ATP8A1: variants seen among roughly 807,000 people sequenced by gnomAD.
The protein encoded by ATP8A1 is phospholipid-transporting ATPase IA.
In ATP8A1, 90 loss-of-function variants were observed where a neutral mutation model predicts 177.7. The observed-to-expected ratio is 0.51, with a 90% CI of 0.43 to 0.60. The LOEUF is 0.60. ATP8A1 is among the 20% of genes least tolerant of loss of function. The probability of loss-of-function intolerance (pLI) is 0.00; values close to 1 mark genes in which losing one functional copy is unlikely to be tolerated. For synonymous variants in ATP8A1, 493 were observed against 485.9 expected (o/e 1.01, Z -0.19); for missense variants, 1,072 against 1,392.8 (o/e 0.77, Z 3.67).
intron 27 of ATP8A1, among the ~76,000 whole-genome samples, chr4:42,457,254 T>TG (rs1577969379): frequency 1.3e-5 from 2 of 152,336 alleles, no homozygotes. Context: ...TATTCTTTCC[T>TG]GGTGAGTATA....
chr4:42,563,179 C>G (rs184896920), intron 15 of ATP8A1, among the ~76,000 whole-genome samples: 1 of 152,160 alleles, frequency 6.6e-6, no homozygotes, highest in Non-Finnish European at 1.5e-5. Context: ...ACAATAAGGT[C>G]CAGGCTGAGG....
intron 22 of ATP8A1, among the ~76,000 whole-genome samples, chr4:42,511,672 G>T (rs1177738282): frequency 6.6e-6 from 1 of 152,206 alleles, no homozygotes; most frequent in African/African-American, 2.4e-5. Context: ...AGTGAGGACA[G>T]AAAGCTTCAT....
intron 33 of ATP8A1, among the ~76,000 whole-genome samples, chr4:42,430,459 C>T (rs936554906): frequency 6.6e-6 from 1 of 150,886 alleles, no homozygotes; most frequent in African/African-American, 2.4e-5. Flanking sequence ...GCCCTGTCTC[C>T]GAAGGCCAGC....
intron 4 of ATP8A1, among the ~76,000 whole-genome samples, chr4:42,616,884 T>C (rs926874900): frequency 6.6e-6 from 1 of 152,180 alleles, no homozygotes; most frequent in African/African-American, 2.4e-5. Flanking sequence ...CCGGTTCACC[T>C]AGAGGTTTTC....
intron 33 of ATP8A1, among the ~76,000 whole-genome samples, chr4:42,442,526 C>A (rs1207062841): frequency 1.3e-5 from 2 of 152,166 alleles, no homozygotes; most frequent in Admixed American, 1.3e-4. Flanking sequence ...TCAAAAGAAG[C>A]CTTCACTTTT....
Position 42,419,408 on chromosome 4 carries a change from C to T in ATP8A1, c.3305+3399G>A, listed in dbSNP as rs1243814321. ...TAAACTAATACTTTATAATGCAATG[C>T]GATCAGTGTACCTATAGAAGTTTAT... On this transcript the variant is annotated intron_variant, in intron 35 of 36. Transcript: ENST00000381668. 7.9e-5 allele frequency among the ~76,000 whole-genome samples: 12 copies of T among 152,150 alleles called. No individual in the cohort carries two copies. The South Asian group carries it at 8.3e-4, about 11-fold the overall frequency.
intron 1 of ATP8A1, among the ~76,000 whole-genome samples, chr4:42,653,247 G>A (rs1333714746): frequency 6.6e-6 from 1 of 152,100 alleles, no homozygotes; most frequent in Admixed American, 6.5e-5. Context: ...ACTTAAAATT[G>A]CAATCCATCC....
intron 25 of ATP8A1, 24 bp from the exon 26 acceptor site, chr4:42,465,100 T>C (rs1262467515): frequency 6.3e-7 from 1 of 1,590,416 alleles, no homozygotes. Context: ...ACATTATCAA[T>C]TACTGTTTTC....
chr4:42,514,037 T>C (rs1013846288), intron 22 of ATP8A1, among the ~76,000 whole-genome samples: 1 of 152,218 alleles, frequency 6.6e-6, no homozygotes, highest in Non-Finnish European at 1.5e-5. Flanking sequence ...CCTTCTTTCC[T>C]TTCCCTTTAT....
chr4:42,604,339 T>A lies in ATP8A1; in HGVS notation c.410-3821A>T, dbSNP rs543582168. ...ATTAAACAGGATTATTTAAGGGCTG[T>A]CTCTTCCCCCAGATTATAAGATCCA... On this transcript the variant is annotated intron_variant, in intron 5 of 36. Coordinates refer to ENST00000381668, the MANE Select transcript of ATP8A1 (RefSeq NM_006095.2). Among the ~76,000 whole-genome samples the A allele has an allele frequency of 2.0e-5, 3 of 152,288 alleles. No individual in the cohort carries two copies. The South Asian group carries it at 6.2e-4, about 32-fold the overall frequency.
chr4:42,452,147 C>G (rs1005879513), intron 29 of ATP8A1, 88 bp from the exon 30 acceptor site: 1 of 907,634 alleles, frequency 1.1e-6, no homozygotes, highest in Non-Finnish European at 1.8e-6. Flanking sequence ...GAGCTAGATT[C>G]ACAAAATGTG....
intron 20 of ATP8A1, among the ~76,000 whole-genome samples, chr4:42,536,176 A>G (rs1251021585): frequency 2.0e-5 from 3 of 152,230 alleles, no homozygotes; most frequent in Admixed American, 1.3e-4. Context: ...TGGTTCTTTG[A>G]AAAGATAAAT....
intron 22 of ATP8A1, among the ~76,000 whole-genome samples, chr4:42,516,274 C>T (rs1173765845): frequency 2.0e-5 from 3 of 151,944 alleles, no homozygotes; most frequent in East Asian, 3.9e-4. Context: ...GCTATCTGAT[C>T]AAAAAAGGCT....
intron 33 of ATP8A1, among the ~76,000 whole-genome samples, chr4:42,437,130 G>A (rs1250753594): frequency 6.6e-6 from 1 of 152,154 alleles, no homozygotes; most frequent in Non-Finnish European, 1.5e-5. Context: ...ATGGTGCTCG[G>A]GAGGACTTTA....
At chr4:42,598,404 T>C (rs183630482) in intron 6 of ATP8A1, among the ~76,000 whole-genome samples, 50 of 152,262 alleles carry the variant, frequency 3.3e-4, no homozygotes, top group African/African-American at 1.1e-3. Context: ...TCAATGTCTA[T>C]TTTTGCAAAC....
chr4:42,506,803 T>C (rs1454090267), intron 23 of ATP8A1, among the ~76,000 whole-genome samples: 1 of 152,160 alleles, frequency 6.6e-6, no homozygotes, highest in Non-Finnish European at 1.5e-5. Flanking sequence ...ACATAAATCT[T>C]CCATAAGCCC....
chr4:42,415,462 C>A (rs1451830632), intron 35 of ATP8A1, among the ~76,000 whole-genome samples: 1 of 134,772 alleles, frequency 7.4e-6, no homozygotes, highest in African/African-American at 2.6e-5. Context: ...CCCCAACTTC[C>A]CATAAAAGTG....
Position 42,455,577 on chromosome 4 carries a change from C to T in ATP8A1, c.2642G>A (p.Gly881Asp), listed in dbSNP as rs1718393754. The change falls in exon 28 of 37, where the codon GGC (glycine) becomes GAC (aspartate). Residue 881 changes from glycine (G) to aspartate (D), a missense_variant. Physicochemically the swap from Gly to Asp is moderately conservative, Grantham distance 94 (BLOSUM62 -1). Transcript: ENST00000381668. Reference protein sequence around the residue: ...IIEIWFAFVNGFSGQILFERW... With the variant: ...IIEIWFAFVNDFSGQILFERW... ...TTCAAAGAGGATCTGTCCAGAAAAGCCATTAACAAAGGCAAACCAGATCTA... is the reference window on the plus strand; with the variant it reads ...TTCAAAGAGGATCTGTCCAGAAAAGTCATTAACAAAGGCAAACCAGATCTA... 1 of 1,613,318 alleles carries T rather than the reference C, an allele frequency of 6.2e-7. No homozygotes were observed. The highest frequency in any genetic ancestry group is 1.7e-5 in the Admixed American group (1 of 59,936).
At chr4:42,645,137 T>C (rs898790417) in intron 1 of ATP8A1, among the ~76,000 whole-genome samples, 1 of 152,208 alleles carries the variant, frequency 6.6e-6, no homozygotes, top group Non-Finnish European at 1.5e-5. Context: ...TGTTGTACTC[T>C]TCACTTAGTT....
Sources: allele counts gnomAD v4.1 joint callset (sites outside exome capture counted in the v4.1 genomes callset), GRCh38; gene constraint gnomAD v4.1.1; transcripts MANE v1.5; gene names NCBI Gene and HGNC (gene_info 2026-07-23, HGNC 2026-07-21).